The following PDCD6 variants were observed in gnomAD, a reference collection of about 807,000 sequenced individuals.
PDCD6 encodes programmed cell death protein 6.
A neutral mutation model predicts 28.3 loss-of-function variants in PDCD6; 12 were observed. The ratio of observed to expected loss-of-function variants is 0.42; its 90% CI spans 0.27 to 0.69. PDCD6 has a LOEUF of 0.69. Ranked by LOEUF, PDCD6 falls within the 30% of genes least tolerant of loss-of-function variation. The pLI, the probability that PDCD6 is intolerant of heterozygous loss-of-function variation, is 0.22. For synonymous variants in PDCD6, 92 were observed against 108.0 expected (o/e 0.85, Z 0.92); for missense variants, 226 against 269.9 (o/e 0.84, Z 1.14).
At chr5:279,415 G>T (rs1392911127) in intron 2 of PDCD6, among the ~76,000 whole-genome samples, 2 of 152,080 alleles carry the variant, frequency 1.3e-5, no homozygotes, top group African/African-American at 4.8e-5. Context: ...GGGAACGGCG[G>T]CTCTGGCTGT....
chr5:306,382 C>G (rs574375061), intron 3 of PDCD6: 22 of 525,510 alleles, frequency 4.2e-5, no homozygotes, highest in Non-Finnish European at 7.3e-5. Flanking sequence ...CTTAGGGGGT[C>G]AGGGCTGGGG....
In PDCD6 at chr5:305,293, C is replaced by G. The variant is rs1740399906; in HGVS notation, c.208+1072C>G. On this transcript the variant is annotated intron_variant, in intron 3 of 5. Transcript: ENST00000264933. This position sits in a 1 kb window ranked among gnomAD's most constrained non-coding sequence, Gnocchi z 4.0. ...CCCAGAGCGGCCTGGGGCTCATTCC[C>G]TCGCCTCCCATCCATGCACGTGTTT... 6.6e-6 allele frequency: 1 copy of G among 152,286 alleles called. No individual in the cohort carries two copies. The highest frequency in any genetic ancestry group is 6.5e-5 in the Admixed American group (1 of 15,280). The allele number at this position is 152,286 out of a possible 1,614,324, so 9.4% of individuals were successfully genotyped here.
chr5:276,337 A>T, intron 2 of PDCD6: 2 of 1,080,006 alleles, frequency 1.9e-6, no homozygotes, highest in Non-Finnish European at 2.3e-6. Context: ...TCACGTTTTC[A>T]TAGTTCCCTC....
intron 2 of PDCD6, among the ~76,000 whole-genome samples, chr5:275,638 G>T (rs562830207): frequency 1.4e-4 from 22 of 152,266 alleles, no homozygotes; most frequent in African/African-American, 5.3e-4. Context: ...TTGCTGTACC[G>T]TGAGTGTCTC....
At chr5:290,663 G>A (rs572979852) in intron 2 of PDCD6, among the ~76,000 whole-genome samples, 160 of 152,350 alleles carry the variant, frequency 1.1e-3, no homozygotes, top group African/African-American at 3.6e-3. Flanking sequence ...GTGAGGTTTC[G>A]GCGCTGATAC....
intron 2 of PDCD6, among the ~76,000 whole-genome samples, chr5:274,391 C>T (rs1738047132): frequency 6.6e-6 from 1 of 152,212 alleles, no homozygotes; most frequent in South Asian, 2.1e-4. Context: ...AGCCTGCCCA[C>T]CTTGGCAGGC....
chr5:311,504 A>C, intron 5 of PDCD6, 102 bp downstream of exon 5: 1 of 762,342 alleles, frequency 1.3e-6, no homozygotes, highest in Non-Finnish European at 2.2e-6. Context: ...GCATGTGTAG[A>C]ATTAGTTTTT....
At chr5:302,093 T>C (rs1036044134) in intron 2 of PDCD6, among the ~76,000 whole-genome samples, 2 of 119,072 alleles carry the variant, frequency 1.7e-5, no homozygotes, top group Admixed American at 9.1e-5. Flanking sequence ...TGTGTGTGTG[T>C]GTGTGTGTGT....
chr5:290,469 A>G (rs1739250752), intron 2 of PDCD6: 4 of 610,004 alleles, frequency 6.6e-6, no homozygotes, highest in Non-Finnish European at 1.2e-5. Flanking sequence ...GAAGGGAGCC[A>G]GGGGAAGCAT....
chr5:306,832 C>G, intron 4 of PDCD6, 72 bp downstream of exon 4: 3 of 1,455,518 alleles, frequency 2.1e-6, no homozygotes, highest in Non-Finnish European at 1.9e-6. Context: ...TTCTTTAAAC[C>G]TTGTTGGACT....
chr5:309,046 ACAGTT>A (rs1393028533), intron 4 of PDCD6: 13 of 152,960 alleles, frequency 8.5e-5, no homozygotes, highest in African/African-American at 2.4e-4. Context: ...CGGGCGGAGA[ACAGTT>A]CCTCCGCTGT....
intron 5 of PDCD6, among the ~76,000 whole-genome samples, chr5:313,164 T>A (rs1348570280): frequency 6.6e-6 from 1 of 152,170 alleles, no homozygotes; most frequent in East Asian, 1.9e-4. Flanking sequence ...CCCTAAACGC[T>A]AGACAGATGG....
At chr5:272,291 A>AGCGACCTGGCG (rs1737874226) in intron 1 of PDCD6, among the ~76,000 whole-genome samples, 1 of 142,462 alleles carries the variant, frequency 7.0e-6, no homozygotes, top group African/African-American at 2.8e-5. Context: ...AGGAAGAAGC[A>AGCGACCTGGCG]GCGACCTGGC....
chr5:278,951 C>T (rs1159507134), intron 2 of PDCD6, among the ~76,000 whole-genome samples: 3 of 151,818 alleles, frequency 2.0e-5, no homozygotes, highest in Non-Finnish European at 2.9e-5. Context: ...TCCTGTCTCA[C>T]GGGGTGTGGG....
At chr5:290,851 A>C (rs926114532) in intron 2 of PDCD6, among the ~76,000 whole-genome samples, 1 of 152,180 alleles carries the variant, frequency 6.6e-6, no homozygotes, top group Non-Finnish European at 1.5e-5. Context: ...ATCCATGGTG[A>C]GGTTCCGTGG....
chr5:302,995 G>C lies in PDCD6; in HGVS notation c.164-1182G>C, dbSNP rs2721005. On this transcript the variant is annotated intron_variant, in intron 2 of 5. Coordinates refer to ENST00000264933, the MANE Select transcript of PDCD6 (RefSeq NM_013232.4). Reference sequence around the variant, plus strand: ...CCAAGGGGAAGTTGGGAGGTGCTCAGGCGGAGCAAATGGATTTAACTTCTG... The same window carrying C: ...CCAAGGGGAAGTTGGGAGGTGCTCACGCGGAGCAAATGGATTTAACTTCTG... 8.3e-3 allele frequency among the ~76,000 whole-genome samples: 1,262 copies of C among 152,330 alleles called. 27 individuals are homozygous for C. The highest frequency in any genetic ancestry group is 0.029 in the African/African-American group (1,211 of 41,552).
chr5:314,184 C>T (rs909430172), intron 5 of PDCD6, among the ~76,000 whole-genome samples: 7 of 152,014 alleles, frequency 4.6e-5, no homozygotes, highest in Non-Finnish European at 1.5e-5. Context: ...GCCAGGGGCT[C>T]AGCCAGGGCT....
intron 2 of PDCD6, among the ~76,000 whole-genome samples, chr5:295,564 A>G (rs1232155906): frequency 6.8e-6 from 1 of 147,638 alleles, no homozygotes; most frequent in Non-Finnish European, 1.5e-5. Context: ...TGAATCTTGC[A>G]GCTGCCCTTC....
chr5:300,477 T>C (rs968451991), intron 2 of PDCD6, among the ~76,000 whole-genome samples: 3 of 152,214 alleles, frequency 2.0e-5, no homozygotes, highest in Non-Finnish European at 4.4e-5. Context: ...GGGACCCCCA[T>C]GCAGTCTTTC....
Sources: gnomAD v4.1 joint callset for allele counts (sites outside exome capture counted in the v4.1 genomes callset) on GRCh38, gnomAD v4.1.1 for gene constraint, Gnocchi (gnomAD v3.1) non-coding constraint, MANE v1.5 for transcripts, NCBI Gene and HGNC (gene_info 2026-07-23, HGNC 2026-07-21) for gene names.